The following PDE3B variants were observed in gnomAD, a reference collection of about 807,000 sequenced individuals.
PDE3B encodes phosphodiesterase 3B.
A neutral mutation model predicts 116.8 loss-of-function variants in PDE3B; 66 were observed. The observed-to-expected ratio is 0.56, with a 90% CI of 0.46 to 0.69. The LOEUF is 0.69. Ranked by LOEUF, PDE3B falls within the 30% of genes least tolerant of loss-of-function variation. The pLI, the probability that PDE3B is intolerant of heterozygous loss-of-function variation, is 0.00. For missense variants in PDE3B, 1,384 were observed against 1,368.1 expected (o/e 1.01, Z -0.18); for synonymous variants, 595 against 533.6 (o/e 1.12, Z -1.59).
rs554882568 is a variant in PDE3B, at chr11:14,688,425, T to G, written c.978+43372T>G. 1.1e-4 allele frequency among the ~76,000 whole-genome samples: 16 copies of G among 152,258 alleles called. No individual in the cohort carries two copies. In the East Asian group the frequency reaches 2.9e-3, roughly 28 times the overall value. On this transcript the variant is annotated intron_variant, in intron 1 of 15. Coordinates refer to ENST00000282096, the MANE Select transcript of PDE3B (RefSeq NM_000922.4). ...ATAGTGCTGACACTTATGTCAGCAC[T>G]TTATCCTATTTGCTTGGGAACTCTT... is the stretch of plus-strand genomic sequence containing the variant.
At chr11:14,661,229 T>C (rs1454451645) in intron 1 of PDE3B, among the ~76,000 whole-genome samples, 1 of 152,240 alleles carries the variant, frequency 6.6e-6, no homozygotes, top group Non-Finnish European at 1.5e-5. Flanking sequence ...CATATGTTTA[T>C]TGTGGCAGTA....
chr11:14,694,316 T>C (rs1460146137), intron 1 of PDE3B, among the ~76,000 whole-genome samples: 1 of 152,176 alleles, frequency 6.6e-6, no homozygotes, highest in Non-Finnish European at 1.5e-5. Flanking sequence ...AGTTCTAGTA[T>C]GGATAAAATG....
At chr11:14,679,322 G>C (rs1854627289) in intron 1 of PDE3B, among the ~76,000 whole-genome samples, 1 of 151,576 alleles carries the variant, frequency 6.6e-6, no homozygotes, top group Non-Finnish European at 1.5e-5. Context: ...CATTTTTTAG[G>C]CTCTTGAGCC....
At chr11:14,760,647 A>G (rs192872394) in intron 1 of PDE3B, among the ~76,000 whole-genome samples, 130 of 152,306 alleles carry the variant, frequency 8.5e-4, no homozygotes, top group African/African-American at 2.9e-3. Flanking sequence ...AGTACATAAT[A>G]TATTCACATG....
At chr11:14,764,365 A>G (rs1397875374) in intron 1 of PDE3B, among the ~76,000 whole-genome samples, 1 of 152,006 alleles carries the variant, frequency 6.6e-6, no homozygotes, top group Non-Finnish European at 1.5e-5. Flanking sequence ...TATAGGGTTC[A>G]CTCTCCCTAG....
chr11:14,697,815 T>G (rs1855255399), intron 1 of PDE3B, among the ~76,000 whole-genome samples: 1 of 152,126 alleles, frequency 6.6e-6, no homozygotes, highest in African/African-American at 2.4e-5. Flanking sequence ...TTTCTTATGT[T>G]ATTGTATAAG....
chr11:14,692,783 A>G (rs1174393977), intron 1 of PDE3B, among the ~76,000 whole-genome samples: 2 of 152,118 alleles, frequency 1.3e-5, no homozygotes, highest in Non-Finnish European at 2.9e-5. Flanking sequence ...CAATAATGAA[A>G]ATGGGCCGAT....
intron 1 of PDE3B, among the ~76,000 whole-genome samples, chr11:14,661,594 A>G (rs1853913018): frequency 6.6e-6 from 1 of 152,128 alleles, no homozygotes; most frequent in Non-Finnish European, 1.5e-5. Context: ...AAATCGGGTC[A>G]CTCCCACCCT....
chr11:14,879,092 C>A, the PDE3B span: 1 of 1,566,514 alleles, frequency 6.4e-7, no homozygotes, highest in Non-Finnish European at 8.8e-7. Flanking sequence ...TCTAAAGTTA[C>A]GCCCCGTGAA....
chr11:14,832,046 G>A (rs1363935791), intron 9 of PDE3B, among the ~76,000 whole-genome samples: 1 of 152,102 alleles, frequency 6.6e-6, no homozygotes, highest in Non-Finnish European at 1.5e-5. Context: ...TTTCTTGAAT[G>A]TGGAGGTTGA....
chr11:14,666,738 C>G (rs961370604), intron 1 of PDE3B, among the ~76,000 whole-genome samples: 13 of 151,960 alleles, frequency 8.6e-5, no homozygotes, highest in African/African-American at 2.4e-4. Flanking sequence ...AATGAGATAC[C>G]ATCTCACACC....
intron 5 of PDE3B, among the ~76,000 whole-genome samples, chr11:14,807,191 G>T (rs1163997904): frequency 6.6e-6 from 1 of 152,092 alleles, no homozygotes; most frequent in African/African-American, 2.4e-5. Flanking sequence ...AACCACCATG[G>T]CACGTGTATA....
At chr11:14,798,804 C>G (rs903876180) in intron 4 of PDE3B, among the ~76,000 whole-genome samples, 9 of 151,910 alleles carry the variant, frequency 5.9e-5, no homozygotes, top group Admixed American at 5.9e-4. Flanking sequence ...TTTAATGTGT[C>G]TATTTGATTC....
chr11:14,662,602 G>T (rs1207383795), intron 1 of PDE3B, among the ~76,000 whole-genome samples: 1 of 152,184 alleles, frequency 6.6e-6, no homozygotes, highest in Non-Finnish European at 1.5e-5. Context: ...CCAATACAGA[G>T]AAGTGCTTAA....
At chr11:14,771,093 A>G (rs1232818370) in intron 1 of PDE3B, among the ~76,000 whole-genome samples, 1 of 151,718 alleles carries the variant, frequency 6.6e-6, no homozygotes, top group Non-Finnish European at 1.5e-5. Context: ...ATAGTTCAAT[A>G]TATAGAAATT....
chr11:14,793,594 TTC>T (rs1212361577), intron 4 of PDE3B, among the ~76,000 whole-genome samples: 1 of 152,130 alleles, frequency 6.6e-6, no homozygotes, highest in Admixed American at 6.5e-5. Flanking sequence ...GGACCCAGCC[TTC>T]TCTGAGGTCA....
At chr11:14,754,386 A>G (rs768507191) in intron 1 of PDE3B, among the ~76,000 whole-genome samples, 2 of 152,150 alleles carry the variant, frequency 1.3e-5, no homozygotes, top group Admixed American at 6.6e-5. Context: ...CTTGAGATCA[A>G]TCTCTAGAGT....
intron 5 of PDE3B, among the ~76,000 whole-genome samples, chr11:14,816,365 T>C (rs1369423519): frequency 6.6e-6 from 1 of 152,244 alleles, no homozygotes; most frequent in African/African-American, 2.4e-5. Context: ...CTGAAAATAT[T>C]GTAGCTCCTT....
chr11:14,783,462 A>G (rs558678309), intron 2 of PDE3B, among the ~76,000 whole-genome samples: 1 of 152,312 alleles, frequency 6.6e-6, no homozygotes, highest in South Asian at 2.1e-4. Flanking sequence ...CTTTGTAGGG[A>G]CATGGATGAA....
Sources: gnomAD v4.1 joint callset for allele counts (sites outside exome capture counted in the v4.1 genomes callset) on GRCh38, gnomAD v4.1.1 for gene constraint, MANE v1.5 for transcripts, NCBI Gene and HGNC (gene_info 2026-07-23, HGNC 2026-07-21) for gene names.